Variants in DLG2 observed in about 807,000 individuals in gnomAD.
DLG2 encodes discs large MAGUK scaffold protein 2.
DLG2 carries 45 observed loss-of-function variants against 132.5 expected under a neutral mutation model. The observed-to-expected ratio is 0.34, with a 90% CI of 0.27 to 0.44. The LOEUF (loss-of-function observed/expected upper bound fraction) is 0.44. Among genes scored for constraint, DLG2 ranks in the 20% least tolerant of loss-of-function variants. DLG2 has a pLI of 1.00. For missense variants in DLG2, 1,045 were observed against 1,196.9 expected (o/e 0.87, Z 1.87); for synonymous variants, 424 against 419.6 (o/e 1.01, Z -0.13).
chr11:84,873,050 G>T (rs2154044481), intron 6 of DLG2, among the ~76,000 whole-genome samples: 1 of 152,262 alleles, frequency 6.6e-6, no homozygotes, highest in East Asian at 1.9e-4. Context: ...AGATACCTAT[G>T]TATCAATTGC....
rs182968689 is a variant in DLG2, at chr11:83,851,574, C to T, written c.1566-17804G>A. On this transcript the variant is annotated intron_variant, in intron 16 of 27. Coordinates refer to ENST00000376104, the MANE Select transcript of DLG2 (RefSeq NM_001142699.3). ...CTCGGGAGGCAGAGGTTGCAGTGAGCGGAGATGGAGCCATTGCACTCCAGC... is the reference window on the plus strand; with the variant it reads ...CTCGGGAGGCAGAGGTTGCAGTGAGTGGAGATGGAGCCATTGCACTCCAGC... Among the ~76,000 whole-genome samples the T allele has an allele frequency of 1.6e-3, 235 of 147,142 alleles. 1 individual carries two copies. The highest frequency in any genetic ancestry group is 3.7e-3 in the Middle Eastern group (1 of 268).
chr11:84,175,250 C>T (rs2095928549), intron 8 of DLG2, among the ~76,000 whole-genome samples: 1 of 152,122 alleles, frequency 6.6e-6, no homozygotes, highest in South Asian at 2.1e-4. Context: ...GCCAGCTCCT[C>T]ACATTGTGAT....
At chr11:83,901,151 T>C (rs1377363501) in intron 15 of DLG2, among the ~76,000 whole-genome samples, 1 of 152,254 alleles carries the variant, frequency 6.6e-6, no homozygotes, top group Non-Finnish European at 1.5e-5. Context: ...AGCCCCATTG[T>C]ATCTATGAAG....
At chr11:85,432,756 C>G (rs1468272884) in intron 3 of DLG2, among the ~76,000 whole-genome samples, 2 of 152,132 alleles carry the variant, frequency 1.3e-5, no homozygotes, top group Non-Finnish European at 2.9e-5. Flanking sequence ...GGGATATTAT[C>G]CAGCAGAACT....
intron 18 of DLG2, among the ~76,000 whole-genome samples, chr11:83,640,834 ATTGGGGCAGGTTAAATCT>A (rs2066293160): frequency 6.6e-6 from 1 of 152,158 alleles, no homozygotes; most frequent in Non-Finnish European, 1.5e-5. Context: ...AAATGGACAA[ATTGGGGCAGGTTAAATCT>A]TTGTGAACTA....
chr11:83,469,677 T>C (rs971202907), intron 24 of DLG2, among the ~76,000 whole-genome samples: 4 of 152,132 alleles, frequency 2.6e-5, no homozygotes, highest in African/African-American at 9.7e-5. Context: ...CATTTCCAAA[T>C]GGAGAGTTTA....
intron 16 of DLG2, among the ~76,000 whole-genome samples, chr11:83,855,487 A>T (rs983945716): frequency 6.6e-6 from 1 of 152,238 alleles, no homozygotes; most frequent in Non-Finnish European, 1.5e-5. Flanking sequence ...AACATTATTC[A>T]TCACCAAAAA....
intron 6 of DLG2, among the ~76,000 whole-genome samples, chr11:84,772,865 C>T (rs1464096315): frequency 1.3e-5 from 2 of 151,682 alleles, no homozygotes; most frequent in Non-Finnish European, 2.9e-5. Context: ...AGTTAATGAC[C>T]TAATATCACA....
Position 85,355,779 on chromosome 11 carries a change from A to G in DLG2, c.41-70414T>C, listed in dbSNP as rs1231993862. On this transcript the variant is annotated intron_variant, in intron 3 of 27. Transcript: ENST00000376104. Reference sequence around the variant, plus strand: ...CATATATATAGGATAACAATTTCCCATGATTCCTTGTTAATGTGGCCCTGT... The same window carrying G: ...CATATATATAGGATAACAATTTCCCGTGATTCCTTGTTAATGTGGCCCTGT... Among the ~76,000 whole-genome samples the G allele has an allele frequency of 2.6e-5, 4 of 152,214 alleles. No homozygotes were observed. The East Asian group carries it at 5.8e-4, about 22-fold the overall frequency.
chr11:83,846,042 T>C (rs1393971765), intron 16 of DLG2, among the ~76,000 whole-genome samples: 6 of 152,160 alleles, frequency 3.9e-5, no homozygotes, highest in Admixed American at 2.6e-4. Context: ...AAGCCACATA[T>C]GTTAAGTACC....
At chr11:83,811,510 A>G (rs79814693) in intron 17 of DLG2, among the ~76,000 whole-genome samples, 1,526 of 152,258 alleles carry the variant, frequency 0.01, 31 homozygotes, top group African/African-American at 0.035. Context: ...TAGCATGTAC[A>G]ATTTCAATTT....
At chr11:84,351,846 C>A (rs572716289) in intron 7 of DLG2, among the ~76,000 whole-genome samples, 1 of 152,128 alleles carries the variant, frequency 6.6e-6, no homozygotes, top group Non-Finnish European at 1.5e-5. Context: ...GTAGAATGGA[C>A]GCACTATGCT....
intron 15 of DLG2, among the ~76,000 whole-genome samples, chr11:83,886,091 C>T (rs1194497812): frequency 1.3e-5 from 2 of 152,150 alleles, no homozygotes; most frequent in African/African-American, 4.8e-5. Flanking sequence ...CAAATTCACA[C>T]ATAACAATAT....
At chr11:83,787,723 A>G (rs1368448630) in intron 17 of DLG2, among the ~76,000 whole-genome samples, 1 of 152,160 alleles carries the variant, frequency 6.6e-6, no homozygotes, top group Non-Finnish European at 1.5e-5. Context: ...TTATTTAGCT[A>G]TTGCTAACTC....
chr11:83,522,172 G>T (rs1159588865), intron 21 of DLG2, among the ~76,000 whole-genome samples: 2 of 152,184 alleles, frequency 1.3e-5, no homozygotes, highest in African/African-American at 2.4e-5. Context: ...TCCTCACAGA[G>T]TTAGCTAAAA....
intron 3 of DLG2, among the ~76,000 whole-genome samples, chr11:85,583,120 G>GTATA (rs1420782345): frequency 2.6e-4 from 15 of 57,808 alleles, no homozygotes; most frequent in South Asian, 6.5e-4. Context: ...GTGTGTGTGT[G>GTATA]TGTGTGTGTG....
At chr11:83,553,937 C>G (rs913927652) in intron 19 of DLG2, among the ~76,000 whole-genome samples, 9 of 149,854 alleles carry the variant, frequency 6.0e-5, no homozygotes, top group Admixed American at 2.7e-4. Context: ...GCTCAGTCAC[C>G]CAAGCTAGAG....
At chr11:83,718,532 G>GAAAAAAAAAAAAAAA (rs57237354) in intron 18 of DLG2, among the ~76,000 whole-genome samples, 55 of 105,990 alleles carry the variant, frequency 5.2e-4, no homozygotes, top group African/African-American at 5.8e-4. Context: ...CTCAAAAAAA[G>GAAAAAAAAAAAAAAA]AAAAAAAAAA....
chr11:84,027,548 T>C (rs1011235846), intron 11 of DLG2, among the ~76,000 whole-genome samples: 1 of 152,084 alleles, frequency 6.6e-6, no homozygotes, highest in Admixed American at 6.6e-5. Flanking sequence ...TCTAGACAAT[T>C]AAATGAATAA....
Sources: allele counts gnomAD v4.1 joint callset (sites outside exome capture counted in the v4.1 genomes callset), GRCh38; gene constraint gnomAD v4.1.1; transcripts MANE v1.5; gene names NCBI Gene and HGNC (gene_info 2026-07-23, HGNC 2026-07-21).